PRKN: variants seen among roughly 807,000 people sequenced by gnomAD.
PRKN encodes E3 ubiquitin-protein ligase parkin.
In PRKN, 56 loss-of-function variants were observed where a neutral mutation model predicts 59.5. The ratio of observed to expected loss-of-function variants is 0.94; its 90% CI spans 0.76 to 1.18. The LOEUF is 1.18. PRKN is among the 50% of genes most tolerant of loss of function. PRKN has a pLI of 0.00. For missense variants in PRKN, 657 were observed against 596.4 expected (o/e 1.10, Z -1.06); for synonymous variants, 250 against 222.1 (o/e 1.13, Z -1.12).
intron 1 of PRKN, among the ~76,000 whole-genome samples, chr6:162,481,560 A>G (rs1177453105): frequency 6.6e-6 from 1 of 152,198 alleles, no homozygotes; most frequent in Non-Finnish European, 1.5e-5. Context: ...ATTAACCAGC[A>G]TGATATTTGG....
chr6:161,917,912 A>C (rs1417247330), intron 6 of PRKN, among the ~76,000 whole-genome samples: 1 of 152,228 alleles, frequency 6.6e-6, no homozygotes, highest in East Asian at 1.9e-4. Flanking sequence ...AAGGGGAATA[A>C]AATTATAGGG....
At chr6:162,080,811 G>A (rs1003452611) in intron 4 of PRKN, among the ~76,000 whole-genome samples, 1 of 152,078 alleles carries the variant, frequency 6.6e-6, no homozygotes, top group Non-Finnish European at 1.5e-5. Context: ...TCTGTAGCAT[G>A]TCATTCTGTC....
chr6:161,731,629 C>T (rs1787716134), intron 7 of PRKN, among the ~76,000 whole-genome samples: 1 of 152,002 alleles, frequency 6.6e-6, no homozygotes, highest in Non-Finnish European at 1.5e-5. Flanking sequence ...TGAATGATCC[C>T]CCACATTTCT....
At position 161,448,934 on chromosome 6, in the gene PRKN, C is replaced by T. The variant is rs939251712; in HGVS notation, c.1084-62057G>A. ...CACAGGAAGCCCAGTGTGTTCTCCC[C>T]AAGGTCACATTAAAAAGGTGGTGCA... is the stretch of plus-strand genomic sequence containing the variant. On this transcript the variant is annotated intron_variant, in intron 9 of 11. Transcript: ENST00000366898. The surrounding 1 kb of genome is among the most constrained non-coding windows in gnomAD (Gnocchi z 5.1). Among the ~76,000 whole-genome samples the T allele has an allele frequency of 6.6e-6, 1 of 152,136 alleles. No homozygotes were observed. The highest frequency in any genetic ancestry group is 1.5e-5 in the Non-Finnish European group (1 of 68,028).
intron 7 of PRKN, among the ~76,000 whole-genome samples, chr6:161,770,364 G>A (rs950682704): frequency 9.2e-5 from 14 of 152,144 alleles, no homozygotes; most frequent in African/African-American, 3.4e-4. Context: ...GAAACTGATT[G>A]TTATAGGATA....
intron 1 of PRKN, among the ~76,000 whole-genome samples, chr6:162,562,123 G>T (rs913264950): frequency 1.3e-5 from 2 of 152,084 alleles, no homozygotes; most frequent in African/African-American, 4.8e-5. Context: ...GCAGGAAAGG[G>T]CAACAGACTG....
intron 2 of PRKN, among the ~76,000 whole-genome samples, chr6:162,419,745 G>A (rs1788853405): frequency 1.3e-5 from 2 of 151,416 alleles, no homozygotes; most frequent in South Asian, 4.2e-4. Flanking sequence ...GACAGAGAGA[G>A]AGAGACAGAC....
chr6:161,725,462 G>T (rs1462440200), intron 7 of PRKN, among the ~76,000 whole-genome samples: 1 of 152,168 alleles, frequency 6.6e-6, no homozygotes, highest in African/African-American at 2.4e-5. Context: ...TTCCAGAAGG[G>T]TTCATGGATG....
At chr6:162,320,362 C>CAAAAAAAAAAAAAAAAAAAAAAAAAAGAA (rs55793911) in intron 2 of PRKN, among the ~76,000 whole-genome samples, 1 of 7,286 alleles carries the variant, frequency 1.4e-4, no homozygotes, top group Non-Finnish European at 2.5e-4. Flanking sequence ...TACAAAAAGC[C>CAAAAAAAAAAAAAAAAAAAAAAAAAAGAA]AAAAAAAAAA....
At position 162,525,185 on chromosome 6, in the gene PRKN, C is replaced by T. The variant is rs183260538; in HGVS notation, c.8-81712G>A. 1.9e-3 allele frequency among the ~76,000 whole-genome samples: 282 copies of T among 152,184 alleles called. 1 individual carries two copies. The highest frequency in any genetic ancestry group is 3.0e-3 in the Non-Finnish European group (203 of 67,988). On this transcript the variant is annotated intron_variant, in intron 1 of 11. Coordinates refer to ENST00000366898, the MANE Select transcript of PRKN (RefSeq NM_004562.3). ...CTCTGCCCCTTTCTAGCTCTGTGAC[C>T]CTGAGGAACTCCCTCCACCAAGACC...
chr6:161,386,931 A>G lies in PRKN; in HGVS notation c.1084-54T>C. The G allele has an allele frequency of 7.1e-7, 1 of 1,415,132 alleles. No homozygotes were observed. Among genetic ancestry groups the G allele is most frequent in the African/African-American group, 1.4e-5 (1 of 71,242 alleles). The allele number at this position is 1,415,132 out of a possible 1,614,324, so 87.7% of individuals were successfully genotyped here. On this transcript the variant is annotated intron_variant, in intron 9 of 11. Transcript: ENST00000366898. This position sits in a 1 kb window ranked among gnomAD's most constrained non-coding sequence, Gnocchi z 4.3. ...GGGACATTAGGTTGCATTTGGCAAT[A>G]ACACATTTTTCCTTTTCCAAATTCA...
chr6:161,498,815 GA>G lies in PRKN; in HGVS notation c.1083+50038del, dbSNP rs1280624344. Among the ~76,000 whole-genome samples the G allele has an allele frequency of 1.3e-5, 2 of 152,176 alleles. No homozygotes were observed. The highest frequency in any genetic ancestry group is 2.9e-5 in the Non-Finnish European group (2 of 68,028). On this transcript the variant is annotated intron_variant, in intron 9 of 11. Transcript: ENST00000366898. The surrounding 1 kb of genome is among the most constrained non-coding windows in gnomAD (Gnocchi z 4.2). ...AGTCTGTGCTGACTAATACATCCAG[GA>G]TATTCTTTGGGAATTCTAGCGGCTA...
intron 4 of PRKN, among the ~76,000 whole-genome samples, chr6:162,187,639 G>C (rs1784087210): frequency 6.6e-6 from 1 of 152,134 alleles, no homozygotes; most frequent in Non-Finnish European, 1.5e-5. Flanking sequence ...ACACTACTAT[G>C]TACTGAAATA....
At chr6:162,698,335 C>A (rs1202405376) in intron 1 of PRKN, among the ~76,000 whole-genome samples, 1 of 152,174 alleles carries the variant, frequency 6.6e-6, no homozygotes, top group Non-Finnish European at 1.5e-5. Context: ...CCACATGACA[C>A]AGTCCTTGTT....
At chr6:161,883,800 G>T (rs536845033) in intron 6 of PRKN, among the ~76,000 whole-genome samples, 2 of 151,860 alleles carry the variant, frequency 1.3e-5, no homozygotes, top group Non-Finnish European at 2.9e-5. Flanking sequence ...TTACAGCCGC[G>T]CGCCACCACG....
At chr6:162,359,231 T>C (rs1785023455) in intron 2 of PRKN, among the ~76,000 whole-genome samples, 1 of 151,722 alleles carries the variant, frequency 6.6e-6, no homozygotes, top group African/African-American at 2.4e-5. Context: ...TAAATAAATA[T>C]TTGGGAGGTG....
intron 7 of PRKN, among the ~76,000 whole-genome samples, chr6:161,727,221 A>T (rs1277996439): frequency 6.6e-6 from 1 of 152,164 alleles, no homozygotes; most frequent in Non-Finnish European, 1.5e-5. Context: ...GGGGAGGAAC[A>T]ATCTCACACC....
chr6:162,148,263 C>T (rs28709182), intron 4 of PRKN, among the ~76,000 whole-genome samples: 3,492 of 152,172 alleles, frequency 0.023, 147 homozygotes, highest in African/African-American at 0.08. Context: ...TTTAACCAAC[C>T]AGTATTCCAC....
intron 1 of PRKN, among the ~76,000 whole-genome samples, chr6:162,716,205 T>A (rs1024728989): frequency 1.3e-5 from 2 of 152,380 alleles, no homozygotes; most frequent in South Asian, 4.1e-4. Flanking sequence ...TTAAAAAATT[T>A]ATTCCATATT....
Sources: allele counts gnomAD v4.1 joint callset (sites outside exome capture counted in the v4.1 genomes callset), GRCh38; gene constraint gnomAD v4.1.1; non-coding constraint Gnocchi (gnomAD v3.1); transcripts MANE v1.5; gene names NCBI Gene and HGNC (gene_info 2026-07-23, HGNC 2026-07-21).